PIGK: variants seen among roughly 807,000 people sequenced by gnomAD.
The protein encoded by PIGK is GPI-anchor transamidase.
In PIGK, 42 loss-of-function variants were observed where a neutral mutation model predicts 50.6. The ratio of observed to expected loss-of-function variants is 0.83; its 90% CI spans 0.65 to 1.07. The LOEUF is 1.07. Ranked by LOEUF, PIGK falls within the 50% of genes least tolerant of loss-of-function variation. The pLI is 0.00. For missense variants in PIGK, 448 were observed against 488.7 expected (o/e 0.92, Z 0.78); for synonymous variants, 151 against 156.0 (o/e 0.97, Z 0.24).
rs577591866 is a variant in PIGK at position 77,135,223 on chromosome 1, TATC to T, written c.987-12867_987-12865del. Among the ~76,000 whole-genome samples the T allele has an allele frequency of 3.5e-4, 53 of 152,272 alleles. No homozygotes were observed. The East Asian group carries it at 8.9e-3, about 25-fold the overall frequency. ...AAATATTCCATTATAATGATAAACT[TATC>T]AACCTGTTTTTTAAATATGTAAATT... On this transcript the variant is annotated intron_variant, in intron 9 of 10. Transcript: ENST00000370812.
chr1:77,205,154 TAGAAG>T (rs1656260061), intron 3 of PIGK, among the ~76,000 whole-genome samples: 1 of 152,046 alleles, frequency 6.6e-6, no homozygotes, highest in Non-Finnish European at 1.5e-5. Context: ...GATTGACTCA[TAGAAG>T]AAAGATTAAT....
intron 10 of PIGK, among the ~76,000 whole-genome samples, chr1:77,105,848 T>C (rs531202926): frequency 2.0e-5 from 3 of 152,296 alleles, no homozygotes; most frequent in African/African-American, 7.2e-5. Context: ...ATTTGGCCCT[T>C]TAAGAAAAAG....
intron 8 of PIGK, among the ~76,000 whole-genome samples, chr1:77,158,700 G>A (rs1014170230): frequency 4.6e-5 from 7 of 152,166 alleles, no homozygotes; most frequent in African/African-American, 1.2e-4. Flanking sequence ...GTGGAACTTC[G>A]AAATTGAGGG....
chr1:77,189,023 T>G (rs1163521294), intron 3 of PIGK, among the ~76,000 whole-genome samples: 2 of 152,246 alleles, frequency 1.3e-5, no homozygotes, highest in East Asian at 3.8e-4. Flanking sequence ...CCCTCTTTTG[T>G]TAAAAACATG....
At chr1:77,182,967 T>C (rs1221159297) in intron 3 of PIGK, among the ~76,000 whole-genome samples, 1 of 152,192 alleles carries the variant, frequency 6.6e-6, no homozygotes. Context: ...AAAAAAATGA[T>C]GAACTCAGGG....
At chr1:77,112,361 A>G (rs1175169365) in intron 10 of PIGK, among the ~76,000 whole-genome samples, 1 of 152,002 alleles carries the variant, frequency 6.6e-6, no homozygotes, top group Non-Finnish European at 1.5e-5. Context: ...AGAATATAGC[A>G]TGAGGCTGAA....
At chr1:77,140,483 G>A (rs1654625462) in intron 9 of PIGK, among the ~76,000 whole-genome samples, 1 of 152,054 alleles carries the variant, frequency 6.6e-6, no homozygotes, top group Non-Finnish European at 1.5e-5. Context: ...TTCCTGTACA[G>A]ACTGCAGAAC....
chr1:77,210,121 A>C (rs1656382647), intron 2 of PIGK, among the ~76,000 whole-genome samples: 1 of 152,098 alleles, frequency 6.6e-6, no homozygotes, highest in Admixed American at 6.6e-5. Context: ...AATACTATAA[A>C]TAACAGATGC....
At chr1:77,159,071 T>C (rs1015004694) in intron 8 of PIGK, among the ~76,000 whole-genome samples, 1 of 152,074 alleles carries the variant, frequency 6.6e-6, no homozygotes, top group Non-Finnish European at 1.5e-5. Context: ...TAAAATGATT[T>C]TGTGGGCTGG....
Position 77,198,551 on chromosome 1 carries a change from G to C in PIGK, c.239+8089C>G, listed in dbSNP as rs144878919. On this transcript the variant is annotated intron_variant, in intron 3 of 10. Coordinates refer to ENST00000370812, the MANE Select transcript of PIGK (RefSeq NM_005482.3). ...TATAGTCAATTATTAGAATTAATAGGAGTTTAGCAAGTTGCTAGAACAATA... is the reference window on the plus strand; with the variant it reads ...TATAGTCAATTATTAGAATTAATAGCAGTTTAGCAAGTTGCTAGAACAATA... Among the ~76,000 whole-genome samples the C allele has an allele frequency of 2.7e-3, 411 of 151,940 alleles. 2 individuals are homozygous for C. Among genetic ancestry groups the C allele is most frequent in the Non-Finnish European group, 4.8e-3 (327 of 67,862 alleles).
intron 10 of PIGK, among the ~76,000 whole-genome samples, chr1:77,116,273 T>A (rs190704765): frequency 1.7e-3 from 260 of 152,060 alleles, no homozygotes; most frequent in African/African-American, 6.0e-3. Context: ...AAGCTCCACC[T>A]CCCGGGTTCA....
Position 77,210,500 on chromosome 1 carries a change from C to T in PIGK, c.94-11G>A, listed in dbSNP as rs1346897660. ...TTGTTCTGCTTGATCCTAAATAAAG[C>T]AAAACAAATAGAAGAAAAAGGCACA... On this transcript the variant is annotated splice_polypyrimidine_tract_variant and intron_variant, in intron 1 of 10. Coordinates refer to ENST00000370812, the MANE Select transcript of PIGK (RefSeq NM_005482.3). 2 of 1,568,972 alleles carry T rather than the reference C, an allele frequency of 1.3e-6. No individual in the cohort carries two copies. The highest frequency in any genetic ancestry group is 2.3e-5 in the East Asian group (1 of 43,548).
intron 9 of PIGK, among the ~76,000 whole-genome samples, chr1:77,135,509 CATT>C (rs1246199065): frequency 6.6e-6 from 1 of 151,886 alleles, no homozygotes; most frequent in East Asian, 1.9e-4. Context: ...TATTTAATAT[CATT>C]ATATTTTCTG....
At chr1:77,161,448 T>C (rs1557810177) in intron 7 of PIGK, 43 bp from the exon 8 acceptor site, 1 of 1,197,034 alleles carries the variant, frequency 8.4e-7, no homozygotes, top group South Asian at 1.2e-5. Context: ...AGTATCATTA[T>C]AACAAAATGT....
intron 3 of PIGK, among the ~76,000 whole-genome samples, chr1:77,202,700 A>G (rs569764688): frequency 4.6e-5 from 7 of 152,126 alleles, no homozygotes; most frequent in Admixed American, 3.9e-4. Context: ...ACAGAATAAG[A>G]AAAAAAACAG....
chr1:77,155,557 T>C (rs1344605646), intron 8 of PIGK, among the ~76,000 whole-genome samples: 2 of 151,726 alleles, frequency 1.3e-5, no homozygotes, highest in Admixed American at 1.3e-4. Context: ...AAACTTCTTA[T>C]AGTTTGAGGA....
chr1:77,093,776 G>A (rs981702271), intron 10 of PIGK, among the ~76,000 whole-genome samples: 1 of 152,002 alleles, frequency 6.6e-6, no homozygotes, highest in Non-Finnish European at 1.5e-5. Flanking sequence ...CCACTTAAGA[G>A]TCTGCAGTGG....
chr1:77,160,754 A>T (rs1655112232), intron 8 of PIGK, among the ~76,000 whole-genome samples: 1 of 152,238 alleles, frequency 6.6e-6, no homozygotes, highest in Non-Finnish European at 1.5e-5. Context: ...TTCAGGAAAA[A>T]AATCTAAATT....
intron 9 of PIGK, among the ~76,000 whole-genome samples, chr1:77,145,348 T>C (rs1654745385): frequency 6.6e-6 from 1 of 151,872 alleles, no homozygotes; most frequent in African/African-American, 2.4e-5. Flanking sequence ...CCTGCTGGGG[T>C]TTTGATTGGA....
Sources: allele counts gnomAD v4.1 joint callset (sites outside exome capture counted in the v4.1 genomes callset), GRCh38; gene constraint gnomAD v4.1.1; transcripts MANE v1.5; gene names NCBI Gene and HGNC (gene_info 2026-07-23, HGNC 2026-07-21).